The following IL1RAPL1 variants were observed in gnomAD, a reference collection of about 807,000 sequenced individuals.
IL1RAPL1 encodes interleukin 1 receptor accessory protein like 1, also known as interleukin-1 receptor accessory protein-like 1.
IL1RAPL1 carries 3 observed loss-of-function variants against 48.4 expected under a neutral mutation model. That is an observed-to-expected ratio of 0.06 (90% CI 0.03 to 0.16). IL1RAPL1 has a LOEUF of 0.16. IL1RAPL1 is among the 10% of genes least tolerant of loss of function. IL1RAPL1 has a pLI of 1.00. For missense variants in IL1RAPL1, 349 were observed against 530.6 expected (o/e 0.66, Z 3.36); for synonymous variants, 185 against 187.7 (o/e 0.99, Z 0.12).
chrX:29,626,674 A>C (rs1488159993), intron 5 of IL1RAPL1, among the ~76,000 whole-genome samples: 1 of 112,192 alleles, frequency 8.9e-6, no homozygotes, highest in African/African-American at 3.2e-5. Context: ...AAACACACAC[A>C]GAGAGACAGA....
intron 6 of IL1RAPL1, among the ~76,000 whole-genome samples, chrX:29,871,800 T>A (rs1202224760): frequency 3.6e-5 from 4 of 111,328 alleles, no homozygotes; most frequent in African/African-American, 1.3e-4. Flanking sequence ...CTCTGCTCAC[T>A]GCAACCTCCG....
chrX:29,801,443 C>T (rs898779598), intron 6 of IL1RAPL1, among the ~76,000 whole-genome samples: 3 of 111,039 alleles, frequency 2.7e-5, no homozygotes, highest in Non-Finnish European at 5.7e-5. Flanking sequence ...ACCTTAAAAT[C>T]GTTGCTGCTT....
chrX:29,640,055 T>C lies in IL1RAPL1; in HGVS notation c.704-28375T>C, dbSNP rs370675398. Reference sequence around the variant, plus strand: ...GACATCACTGTGGCTACAGCTGGTGTTACGGAGGTTGGTGTCATGCTACAA... The same window carrying C: ...GACATCACTGTGGCTACAGCTGGTGCTACGGAGGTTGGTGTCATGCTACAA... On this transcript the variant is annotated intron_variant, in intron 5 of 10. Coordinates refer to ENST00000378993, the MANE Select transcript of IL1RAPL1 (RefSeq NM_014271.4). Among the ~76,000 whole-genome samples, 331 of 112,036 alleles carry C rather than the reference T, an allele frequency of 3.0e-3. 1 individual carries two copies. Among genetic ancestry groups the C allele is most frequent in the African/African-American group, 0.01 (316 of 30,869 alleles).
chrX:29,297,027 T>C (rs762238141), intron 3 of IL1RAPL1, among the ~76,000 whole-genome samples: 13 of 111,839 alleles, frequency 1.2e-4, no homozygotes, highest in Non-Finnish European at 2.1e-4. Flanking sequence ...GATTTCATTA[T>C]ATCTCACAAT....
intron 2 of IL1RAPL1, among the ~76,000 whole-genome samples, chrX:28,963,800 A>T (rs1924850075): frequency 9.1e-6 from 1 of 110,330 alleles, no homozygotes; most frequent in South Asian, 3.8e-4. Context: ...TCTCTCTCTT[A>T]TTTCTTCTTT....
chrX:29,652,044 A>T (rs1033292298), intron 5 of IL1RAPL1, among the ~76,000 whole-genome samples: 1 of 111,987 alleles, frequency 8.9e-6, no homozygotes, highest in Non-Finnish European at 1.9e-5. Flanking sequence ...AGCCATCAAA[A>T]ATTATTTTTA....
At chrX:29,273,631 G>A (rs1169941760) in intron 2 of IL1RAPL1, among the ~76,000 whole-genome samples, 2 of 112,030 alleles carry the variant, frequency 1.8e-5, no homozygotes, top group African/African-American at 6.5e-5. Flanking sequence ...GCCACAGCAT[G>A]TGTGGTAGGG....
intron 6 of IL1RAPL1, among the ~76,000 whole-genome samples, chrX:29,798,305 C>G (rs1353181737): frequency 9.0e-6 from 1 of 111,695 alleles, no homozygotes; most frequent in African/African-American, 3.3e-5. Flanking sequence ...AGGGTAACTT[C>G]AGGTTTATCC....
intron 5 of IL1RAPL1, among the ~76,000 whole-genome samples, chrX:29,430,059 A>G (rs187648630): frequency 9.2e-6 from 1 of 108,890 alleles, no homozygotes; most frequent in Non-Finnish European, 1.9e-5. Flanking sequence ...GCCACTGCAT[A>G]CAGTCAAGAA....
chrX:29,541,680 A>G (rs753647937), intron 5 of IL1RAPL1, among the ~76,000 whole-genome samples: 168 of 112,108 alleles, frequency 1.5e-3, no homozygotes, highest in Non-Finnish European at 2.4e-3. Flanking sequence ...TGATTAGTGC[A>G]GTAACAGAAA....
At chrX:28,788,907 A>G (rs1936503274) in intron 1 of IL1RAPL1, among the ~76,000 whole-genome samples, 2 of 112,286 alleles carry the variant, frequency 1.8e-5, no homozygotes, top group Admixed American at 9.5e-5. Flanking sequence ...TGTTGGAAAG[A>G]ATGACACTGA....
intron 5 of IL1RAPL1, among the ~76,000 whole-genome samples, chrX:29,637,866 C>A (rs773413203): frequency 8.9e-6 from 1 of 112,328 alleles, no homozygotes; most frequent in African/African-American, 3.2e-5. Flanking sequence ...CATAGAAACA[C>A]TTGCTCTTTT....
intron 5 of IL1RAPL1, among the ~76,000 whole-genome samples, chrX:29,545,207 C>G: frequency 9.3e-6 from 1 of 108,080 alleles, no homozygotes; most frequent in East Asian, 2.9e-4. Context: ...ATCTATCTAT[C>G]TATCTATCTA....
At chrX:28,786,809 G>A (rs1354843462) in intron 1 of IL1RAPL1, among the ~76,000 whole-genome samples, 1 of 112,020 alleles carries the variant, frequency 8.9e-6, no homozygotes, top group East Asian at 2.8e-4. Context: ...TTCACCAATA[G>A]TATAAGCAAT....
intron 9 of IL1RAPL1, among the ~76,000 whole-genome samples, chrX:29,944,780 C>T (rs766890401): frequency 9.0e-6 from 1 of 111,444 alleles, no homozygotes; most frequent in African/African-American, 3.3e-5. Flanking sequence ...GATACTACCA[C>T]CTGGTCTTTG....
chrX:29,204,513 GTCT>G (rs1011330747), intron 2 of IL1RAPL1, among the ~76,000 whole-genome samples: 32 of 111,376 alleles, frequency 2.9e-4, no homozygotes, highest in African/African-American at 1.0e-3. Context: ...CCATTTGTAT[GTCT>G]TCTTTTAAGA....
rs750239663 is a variant in IL1RAPL1 at position 29,678,590 on chromosome X, G to A, written c.778+10086G>A. 3.8e-3 allele frequency among the ~76,000 whole-genome samples: 407 copies of A among 107,299 alleles called. 1 individual carries two copies. Among genetic ancestry groups the A allele is most frequent in the African/African-American group, 0.013 (385 of 29,449 alleles). The allele number at this position is 107,299 out of a possible 115,157, so 93.2% of individuals were successfully genotyped here. A position where few individuals can be genotyped will look rare whatever the true frequency, so the allele number is the denominator to read the frequency against. On this transcript the variant is annotated intron_variant, in intron 6 of 10. Transcript: ENST00000378993. The stretch of plus-strand genomic sequence containing the variant: ...CCACCATGTTAGCCAGGATGGTCTC[G>A]ATCTCCTGACCTCGTGATCTGCCCG...
At chrX:29,136,040 A>T (rs1462925460) in intron 2 of IL1RAPL1, among the ~76,000 whole-genome samples, 1 of 111,505 alleles carries the variant, frequency 9.0e-6, no homozygotes, top group Non-Finnish European at 1.9e-5. Flanking sequence ...CTCAGCCATT[A>T]AGTCTTACAT....
At chrX:28,597,947 G>A (rs1330601257) in intron 1 of IL1RAPL1, among the ~76,000 whole-genome samples, 1 of 110,780 alleles carries the variant, frequency 9.0e-6, no homozygotes, top group Non-Finnish European at 1.9e-5. Flanking sequence ...TGAGTACACT[G>A]GATAATGTTT....
Sources: allele counts gnomAD v4.1 joint callset (sites outside exome capture counted in the v4.1 genomes callset), GRCh38; gene constraint gnomAD v4.1.1; transcripts MANE v1.5; gene names NCBI Gene and HGNC (gene_info 2026-07-23, HGNC 2026-07-21).